The following DUSP16 variants were observed in gnomAD, a reference collection of about 807,000 sequenced individuals.
DUSP16 encodes dual specificity phosphatase 16.
A neutral mutation model predicts 58.3 loss-of-function variants in DUSP16; 21 were observed. The ratio of observed to expected loss-of-function variants is 0.36; its 90% CI spans 0.26 to 0.52. DUSP16 has a LOEUF of 0.52. Among genes scored for constraint, DUSP16 ranks in the 20% least tolerant of loss-of-function variants. The pLI, the probability that DUSP16 is intolerant of heterozygous loss-of-function variation, is 0.94. For synonymous variants in DUSP16, 320 were observed against 323.8 expected (o/e 0.99, Z 0.12); for missense variants, 726 against 819.0 (o/e 0.89, Z 1.39).
chr12:12,514,289 A>T (rs1944117471), intron 3 of DUSP16, among the ~76,000 whole-genome samples: 1 of 152,190 alleles, frequency 6.6e-6, no homozygotes, highest in Non-Finnish European at 1.5e-5. Context: ...TTCCAGCTTA[A>T]AGGGATTTCC....
Position 12,552,221 on chromosome 12 carries a change from G to A in DUSP16, c.-366+9896C>T, listed in dbSNP as rs371716199. On this transcript the variant is annotated intron_variant, in intron 1 of 6. Transcript: ENST00000298573. ...AGAAATTTGGGAGGCCGAGGCAAGC[G>A]GATCACTTGGGGTCGGGAGTTTGAG... Among the ~76,000 whole-genome samples, 205 of 152,098 alleles carry A rather than the reference G, an allele frequency of 1.3e-3. 3 individuals carry two copies. The South Asian group carries it at 0.036, about 27-fold the overall frequency.
chr12:12,506,154 T>A (rs146173835), intron 3 of DUSP16: 8 of 152,250 alleles, frequency 5.3e-5, no homozygotes, highest in Non-Finnish European at 1.0e-4. Flanking sequence ...GATGAGACAC[T>A]GCCTGATTTC....
chr12:12,540,221 G>A (rs1944531135), intron 1 of DUSP16, among the ~76,000 whole-genome samples: 1 of 152,016 alleles, frequency 6.6e-6, no homozygotes, highest in Non-Finnish European at 1.5e-5. Flanking sequence ...CCTGGGAGAT[G>A]GAGGTTGCTG....
At chr12:12,522,710 C>T (rs915920262) in intron 1 of DUSP16, among the ~76,000 whole-genome samples, 6 of 151,678 alleles carry the variant, frequency 4.0e-5, no homozygotes, top group African/African-American at 1.5e-4. Context: ...ACTACAGGCG[C>T]GCACCACCAC....
intron 5 of DUSP16, 120 bp from the exon 6 acceptor site, chr12:12,480,466 G>GTA (rs1943543717): frequency 8.6e-7 from 1 of 1,159,532 alleles, no homozygotes; most frequent in African/African-American, 1.6e-5. Context: ...TCTCATCTGT[G>GTA]TATATCATAT....
At chr12:12,493,853 T>C (rs1202637629) in intron 4 of DUSP16, among the ~76,000 whole-genome samples, 3 of 152,224 alleles carry the variant, frequency 2.0e-5, no homozygotes, top group Admixed American at 6.5e-5. Flanking sequence ...GTTTTCTTCA[T>C]AGCACTCATA....
chr12:12,475,684 C>G lies in DUSP16; in HGVS notation c.*1149G>C, dbSNP rs1943417082. ...GAGGGGATAAAAGCCACTAAGGAAACAGGTTTCCTGCTTCTCCTCAGCAAT... is the reference window on the plus strand; with the variant it reads ...GAGGGGATAAAAGCCACTAAGGAAAGAGGTTTCCTGCTTCTCCTCAGCAAT... On this transcript the variant is annotated 3_prime_UTR_variant, in exon 7 of 7. Coordinates refer to ENST00000298573, the MANE Select transcript of DUSP16 (RefSeq NM_030640.3). 1 of 152,234 alleles carries G rather than the reference C, an allele frequency of 6.6e-6. No individual in the cohort carries two copies. The highest frequency in any genetic ancestry group is 1.5e-5 in the Non-Finnish European group (1 of 68,044). 9.4% of individuals were successfully genotyped at this position (152,234 alleles called of 1,614,324 possible).
chr12:12,500,081 C>G (rs1427933516), intron 4 of DUSP16, among the ~76,000 whole-genome samples: 1 of 152,082 alleles, frequency 6.6e-6, no homozygotes, highest in African/African-American at 2.4e-5. Flanking sequence ...TCCCCACCCC[C>G]AGCCAGCAGT....
chr12:12,544,761 C>CGCAT (rs1406881397), intron 1 of DUSP16, among the ~76,000 whole-genome samples: 3 of 151,586 alleles, frequency 2.0e-5, no homozygotes, highest in African/African-American at 4.9e-5. Flanking sequence ...TTTAACCTTT[C>CGCAT]GCATTGAGAT....
At position 12,473,495 on chromosome 12, in the gene DUSP16, C is replaced by G. The variant is rs1032077724; in HGVS notation, c.*3338G>C. On this transcript the variant is annotated 3_prime_UTR_variant, in exon 7 of 7. Transcript: ENST00000298573. ...CTCTGGAGGCTGATTTATTCTAATT[C>G]CCTTTATTCCTCTATCTCACTTCCA... Among the ~76,000 whole-genome samples, 5 of 152,170 alleles carry G rather than the reference C, an allele frequency of 3.3e-5. No individual in the cohort carries two copies. The highest frequency in any genetic ancestry group is 5.9e-5 in the Non-Finnish European group (4 of 68,038).
intron 1 of DUSP16, among the ~76,000 whole-genome samples, chr12:12,551,249 C>T (rs532875857): frequency 6.6e-6 from 1 of 151,894 alleles, no homozygotes; most frequent in South Asian, 2.1e-4. Flanking sequence ...CACCTGTAAC[C>T]CCAGCACCTC....
chr12:12,526,977 C>A (rs1227879827), intron 1 of DUSP16, among the ~76,000 whole-genome samples: 1 of 152,118 alleles, frequency 6.6e-6, no homozygotes, highest in Non-Finnish European at 1.5e-5. Flanking sequence ...AGGCACAACT[C>A]CATTTTAAAC....
chr12:12,528,773 C>T (rs981512122), intron 1 of DUSP16, among the ~76,000 whole-genome samples: 1 of 152,050 alleles, frequency 6.6e-6, no homozygotes, highest in Admixed American at 6.6e-5. Context: ...ATGGGGGACA[C>T]GATCAACAAC....
At position 12,476,608 on chromosome 12, in the gene DUSP16, T is replaced by C. The variant is rs10845553; in HGVS notation, c.*225A>G. 0.29 allele frequency: 136,496 copies of C among 469,302 alleles called. 21,861 individuals carry two copies. Among genetic ancestry groups the C allele is most frequent in the Admixed American group, 0.33 (8,554 of 25,806 alleles). The allele number at this position is 469,302 out of a possible 1,614,324, so 29.1% of individuals were successfully genotyped here. Reference sequence around the variant, plus strand: ...TGGTTTTCCTCCGTCTAGGGGGGATTCTAGCATCTGCCCTTCCATTTTTGT... The same window carrying C: ...TGGTTTTCCTCCGTCTAGGGGGGATCCTAGCATCTGCCCTTCCATTTTTGT... On this transcript the variant is annotated 3_prime_UTR_variant, in exon 7 of 7. Coordinates refer to ENST00000298573, the MANE Select transcript of DUSP16 (RefSeq NM_030640.3).
chr12:12,529,963 A>G (rs1944361702), intron 1 of DUSP16, among the ~76,000 whole-genome samples: 1 of 152,212 alleles, frequency 6.6e-6, no homozygotes, highest in African/African-American at 2.4e-5. Context: ...TTGATTCCTT[A>G]TCTTGGCTAT....
chr12:12,508,138 C>A (rs1167857481), intron 3 of DUSP16, among the ~76,000 whole-genome samples: 2 of 152,170 alleles, frequency 1.3e-5, no homozygotes, highest in Non-Finnish European at 2.9e-5. Flanking sequence ...ATGGAAAATA[C>A]TGAAAATGTT....
intron 6 of DUSP16, 23 bp downstream of exon 6, chr12:12,480,200 A>G: frequency 2.5e-6 from 4 of 1,610,428 alleles, no homozygotes; most frequent in Non-Finnish European, 3.4e-6. Flanking sequence ...AGCCAATCAC[A>G]GAAGACATTT....
At chr12:12,519,815 C>T (rs868346472) in intron 3 of DUSP16, 47 bp downstream of exon 3, 6 of 1,604,700 alleles carry the variant, frequency 3.7e-6, no homozygotes, top group Non-Finnish European at 5.1e-6. Context: ...CTTACTCATA[C>T]AGCTCAGCAA....
chr12:12,502,192 G>A (rs565720897), intron 3 of DUSP16, among the ~76,000 whole-genome samples: 3 of 152,150 alleles, frequency 2.0e-5, no homozygotes, highest in Non-Finnish European at 4.4e-5. Flanking sequence ...AGAAGTGCAG[G>A]AAGTTGAGAG....
Sources: gnomAD v4.1 joint callset for allele counts (sites outside exome capture counted in the v4.1 genomes callset) on GRCh38, gnomAD v4.1.1 for gene constraint, MANE v1.5 for transcripts, NCBI Gene and HGNC (gene_info 2026-07-23, HGNC 2026-07-21) for gene names.